Variants in GNAL observed in about 807,000 individuals in gnomAD.
GNAL encodes G protein subunit alpha L.
A neutral mutation model predicts 55.1 loss-of-function variants in GNAL; 18 were observed. That is an observed-to-expected ratio of 0.33 (90% CI 0.23 to 0.48). The LOEUF (loss-of-function observed/expected upper bound fraction) is 0.48, where lower values mean the gene tolerates loss of function less well. Among genes scored for constraint, GNAL ranks in the 20% least tolerant of loss-of-function variants. GNAL has a pLI of 0.99. For synonymous variants in GNAL, 253 were observed against 237.0 expected, an observed-to-expected ratio of 1.07 and a Z score of -0.62; for missense variants, 412 against 614.1, an observed-to-expected ratio of 0.67 and a Z score of 3.48.
rs2032869458 is a variant in GNAL, at chr18:11,752,247, A to T, written c.377-606A>T. 3 of 1,243,240 alleles carry T rather than the reference A, an allele frequency of 2.4e-6. No individual in the cohort carries two copies. The highest frequency in any genetic ancestry group is 3.8e-5 in the Admixed American group (1 of 26,512). The allele number at this position is 1,243,240 out of a possible 1,614,324, so 77.0% of individuals were successfully genotyped here. On this transcript the variant is annotated intron_variant, in intron 1 of 11. Transcript: ENST00000334049. This position sits in a 1 kb window ranked among gnomAD's most constrained non-coding sequence, Gnocchi z 4.5. ...TCTTCCTTACAGCCATTTAGTTGGG[A>T]GTTTGCGGTGGGCAGGGGGAGGGAG...
chr18:11,831,673 G>A lies in GNAL; in HGVS notation c.722+6658G>A, dbSNP rs181851310. Among the ~76,000 whole-genome samples, 14 of 152,328 alleles carry A rather than the reference G, an allele frequency of 9.2e-5. No homozygotes were observed. In the East Asian group the frequency reaches 2.5e-3, roughly 27 times the overall value. On this transcript the variant is annotated intron_variant, in intron 5 of 11. Transcript: ENST00000334049. ...TTTGCCATCCCTGTTTACTCCACTC[G>A]TACCTTGTCCACTCCGTAATCTGCA...
intron 1 of GNAL, among the ~76,000 whole-genome samples, chr18:11,692,911 T>A (rs2031298405): frequency 6.6e-6 from 1 of 152,148 alleles, no homozygotes; most frequent in Non-Finnish European, 1.5e-5. Context: ...CATCCTAAAG[T>A]GCTGGGATTA....
chr18:11,802,192 G>A (rs16976662), intron 4 of GNAL, among the ~76,000 whole-genome samples: 2,966 of 152,146 alleles, frequency 0.019, 116 homozygotes, highest in African/African-American at 0.069. Context: ...AACTTCGCCC[G>A]AAAATCCTTT....
intron 1 of GNAL, among the ~76,000 whole-genome samples, chr18:11,730,031 C>CTTTTTTT (rs1431492708): frequency 2.9e-4 from 44 of 151,516 alleles, no homozygotes; most frequent in African/African-American, 1.1e-3. Flanking sequence ...TTTTTCTTTT[C>CTTTTTTT]TTTTCTTTTC....
intron 7 of GNAL, 61 bp from the exon 8 acceptor site, chr18:11,867,107 G>A: frequency 1.2e-5 from 15 of 1,281,490 alleles, no homozygotes; most frequent in Non-Finnish European, 1.7e-5. Context: ...AGGAAAGCAA[G>A]CACGTTTGCC....
At chr18:11,754,027 G>A (rs2032951825) in intron 4 of GNAL, 82 bp downstream of exon 4, 7 of 1,006,650 alleles carry the variant, frequency 7.0e-6, no homozygotes, top group East Asian at 2.4e-5. Context: ...AATCAATATT[G>A]ATACTAATTC....
chr18:11,764,787 CAA>C (rs957861835), intron 4 of GNAL, among the ~76,000 whole-genome samples: 106 of 134,302 alleles, frequency 7.9e-4, no homozygotes, highest in African/African-American at 3.1e-3. Flanking sequence ...AACAAACAAA[CAA>C]ACAACAAAAA....
chr18:11,846,412 T>C (rs1321502940), intron 5 of GNAL, among the ~76,000 whole-genome samples: 2 of 147,086 alleles, frequency 1.4e-5, no homozygotes, highest in African/African-American at 4.9e-5. Context: ...TTTTTATATA[T>C]AAATATATAA....
chr18:11,713,220 A>G (rs2031877822), intron 1 of GNAL, among the ~76,000 whole-genome samples: 1 of 152,262 alleles, frequency 6.6e-6, no homozygotes, highest in African/African-American at 2.4e-5. Flanking sequence ...ATAGCAAAAG[A>G]GTCAGTGACC....
chr18:11,761,350 C>A (rs1289630704), intron 4 of GNAL, among the ~76,000 whole-genome samples: 2 of 152,166 alleles, frequency 1.3e-5, no homozygotes, highest in African/African-American at 4.8e-5. Flanking sequence ...AATCCTCATC[C>A]CCATGCCCTC....
intron 9 of GNAL, among the ~76,000 whole-genome samples, chr18:11,870,039 G>A (rs1016082481): frequency 7.9e-5 from 12 of 152,196 alleles, no homozygotes; most frequent in East Asian, 3.8e-4. Flanking sequence ...TAGGTAATTG[G>A]AGATGATTTA....
Position 11,868,350 on chromosome 18 carries a change from G to A in GNAL, c.911-193G>A, listed in dbSNP as rs2036313368. ...CCCAAATTTACATGTGTCTTTTGGG[G>A]TGGGCTCTTCATCAAGTGCGTTACT... is the stretch of plus-strand genomic sequence containing the variant. On this transcript the variant is annotated intron_variant, in intron 8 of 11. Coordinates refer to ENST00000334049, the MANE Select transcript of GNAL (RefSeq NM_182978.4). The surrounding 1 kb of genome is among the most constrained non-coding windows in gnomAD (Gnocchi z 4.0). 6.6e-6 allele frequency among the ~76,000 whole-genome samples: 1 copy of A among 152,100 alleles called. No homozygotes were observed. Among genetic ancestry groups the A allele is most frequent in the Non-Finnish European group, 1.5e-5 (1 of 68,018 alleles).
At position 11,796,412 on chromosome 18, in the gene GNAL, C is replaced by T. The variant is rs531063230; in HGVS notation, c.625-28506C>T. Among the ~76,000 whole-genome samples, 230 of 151,980 alleles carry T rather than the reference C, an allele frequency of 1.5e-3. 1 individual carries two copies. The highest frequency in any genetic ancestry group is 2.7e-3 in the Non-Finnish European group (182 of 67,984). ...CTAACACGGTGAAACCCCGTCTCTACTAAAAATACAAAACAAAATTAGCCA... is the reference window on the plus strand; with the variant it reads ...CTAACACGGTGAAACCCCGTCTCTATTAAAAATACAAAACAAAATTAGCCA... On this transcript the variant is annotated intron_variant, in intron 4 of 11. Coordinates refer to ENST00000334049, the MANE Select transcript of GNAL (RefSeq NM_182978.4).
Position 11,826,462 on chromosome 18 carries a change from C to G in GNAL, c.722+1447C>G, listed in dbSNP as rs137924035. On this transcript the variant is annotated intron_variant, in intron 5 of 11. Coordinates refer to ENST00000334049, the MANE Select transcript of GNAL (RefSeq NM_182978.4). Reference sequence around the variant, plus strand: ...GGAGGTCAGTGGGGCCAGACACCCCCAGGGCTGAAGACCACAGCAAGGAAC... The same window carrying G: ...GGAGGTCAGTGGGGCCAGACACCCCGAGGGCTGAAGACCACAGCAAGGAAC... Among the ~76,000 whole-genome samples the G allele has an allele frequency of 1.7e-3, 266 of 152,246 alleles. 1 individual carries two copies. In the Middle Eastern group the frequency reaches 0.02, roughly 12 times the overall value.
At position 11,881,006 on chromosome 18, in the gene GNAL, C is replaced by G. The variant is rs760866698; in HGVS notation, c.1248C>G (p.Thr416=). Residue 416 remains threonine (T), a synonymous_variant, in exon 12 of 12, where the codon ACC becomes ACG. Transcript: ENST00000334049. The surrounding 1 kb of genome is among the most constrained non-coding windows in gnomAD (Gnocchi z 4.8). The part of the protein sequence containing the change: ...RDLFLRISTA[T]GDGKHYCYPH... The stretch of plus-strand genomic sequence containing the variant: ...TCTTGCAGAGGATCAGCACGGCCAC[C>G]GGTGACGGCAAACATTACTGCTACC... 5.6e-6 allele frequency: 9 copies of G among 1,614,062 alleles called. No homozygotes were observed. The South Asian group carries it at 8.8e-5, about 16-fold the overall frequency.
intron 1 of GNAL, among the ~76,000 whole-genome samples, chr18:11,728,940 G>A (rs1294827525): frequency 1.3e-5 from 2 of 152,180 alleles, no homozygotes; most frequent in African/African-American, 4.8e-5. Flanking sequence ...TCAAAGCTCT[G>A]AGAGTTTAAA....
chr18:11,739,820 T>C (rs1012591211), intron 1 of GNAL, among the ~76,000 whole-genome samples: 2 of 151,788 alleles, frequency 1.3e-5, no homozygotes, highest in African/African-American at 4.8e-5. Context: ...CCCAATTTGG[T>C]GTCCAGTTTC....
chr18:11,877,349 G>A (rs924107071), intron 11 of GNAL, among the ~76,000 whole-genome samples: 1 of 152,142 alleles, frequency 6.6e-6, no homozygotes, highest in African/African-American at 2.4e-5. Context: ...CAGCTACTCT[G>A]GAGGCTGAGG....
At position 11,752,705 on chromosome 18, in the gene GNAL, C is replaced by G; in HGVS notation, c.377-148C>G. 8.3e-7 allele frequency: 1 copy of G among 1,207,040 alleles called. No individual in the cohort carries two copies. Among genetic ancestry groups the G allele is most frequent in the Non-Finnish European group, 1.1e-6 (1 of 883,174 alleles). The allele number at this position is 1,207,040 out of a possible 1,614,324, so 74.8% of individuals were successfully genotyped here. On this transcript the variant is annotated intron_variant, in intron 1 of 11. Transcript: ENST00000334049. The surrounding 1 kb of genome is among the most constrained non-coding windows in gnomAD (Gnocchi z 4.5). The stretch of plus-strand genomic sequence containing the variant: ...GCACCTCTGGGCCGCGGAGCCCAGA[C>G]GGCGGCCGGGGCGAGCTCCTCCAGC...
Sources: gnomAD v4.1 joint callset for allele counts (sites outside exome capture counted in the v4.1 genomes callset) on GRCh38, gnomAD v4.1.1 for gene constraint, Gnocchi (gnomAD v3.1) non-coding constraint, MANE v1.5 for transcripts, NCBI Gene and HGNC (gene_info 2026-07-23, HGNC 2026-07-21) for gene names.